Variants in XRCC4 observed in about 807,000 individuals in gnomAD.
XRCC4 encodes DNA repair protein XRCC4.
XRCC4 carries 28 observed loss-of-function variants against 39.1 expected under a neutral mutation model. That is an observed-to-expected ratio of 0.72 (90% confidence interval 0.53 to 0.98). The LOEUF (loss-of-function observed/expected upper bound fraction) is 0.98. Ranked by LOEUF, XRCC4 falls within the 50% of genes least tolerant of loss-of-function variation. The probability of loss-of-function intolerance (pLI) is 0.00; values close to 1 mark genes in which losing one functional copy is unlikely to be tolerated. For synonymous variants in XRCC4, 123 were observed against 126.4 expected (o/e 0.97, Z 0.18); for missense variants, 350 against 376.4 (o/e 0.93, Z 0.58).
At chr5:83,332,107 ATTC>A (rs776709573) in intron 7 of XRCC4, among the ~76,000 whole-genome samples, 3 of 152,116 alleles carry the variant, frequency 2.0e-5, no homozygotes, top group Non-Finnish European at 2.9e-5. Flanking sequence ...TGACATCTGT[ATTC>A]TTCTAATAAA....
chr5:83,195,493 A>G (rs1021585141), intron 3 of XRCC4, among the ~76,000 whole-genome samples: 1 of 152,098 alleles, frequency 6.6e-6, no homozygotes, highest in Non-Finnish European at 1.5e-5. Flanking sequence ...GTAAGCTTAT[A>G]CAGTATTTAT....
chr5:83,200,799 C>T (rs1024672050), intron 4 of XRCC4, among the ~76,000 whole-genome samples: 1 of 152,038 alleles, frequency 6.6e-6, no homozygotes, highest in African/African-American at 2.4e-5. Context: ...ATTATATACT[C>T]AGGTATTTCA....
chr5:83,202,573 G>C (rs1580364712), intron 4 of XRCC4, among the ~76,000 whole-genome samples: 1 of 152,008 alleles, frequency 6.6e-6, no homozygotes, highest in African/African-American at 2.4e-5. Flanking sequence ...ATATATATGT[G>C]TGTGTCTATA....
chr5:83,211,749 T>C (rs1231190287), intron 6 of XRCC4, among the ~76,000 whole-genome samples: 2 of 152,206 alleles, frequency 1.3e-5, no homozygotes, highest in East Asian at 3.9e-4. Context: ...GCTTTAAAAT[T>C]TAAAAATCAA....
At chr5:83,356,225 G>T (rs16900359), downstream of XRCC4, among the ~76,000 whole-genome samples, 15,031 of 152,048 alleles carry the variant, frequency 0.099, 1,331 homozygotes, top group East Asian at 0.48. Context: ...AAGTGATTTT[G>T]TATGTGAAAT....
intron 3 of XRCC4, among the ~76,000 whole-genome samples, chr5:83,179,230 T>G (rs939056224): frequency 6.6e-6 from 1 of 152,200 alleles, no homozygotes; most frequent in African/African-American, 2.4e-5. Flanking sequence ...TATTCTTAGG[T>G]ATGTATCGAA....
intron 3 of XRCC4, among the ~76,000 whole-genome samples, chr5:83,158,344 T>C (rs1749055405): frequency 6.6e-6 from 1 of 152,098 alleles, no homozygotes. Flanking sequence ...CTACATATAA[T>C]AGTTTACAAG....
chr5:83,308,045 G>A (rs921541728), intron 7 of XRCC4, among the ~76,000 whole-genome samples: 4 of 152,138 alleles, frequency 2.6e-5, no homozygotes, highest in Non-Finnish European at 5.9e-5. Flanking sequence ...TTCCTCAAAT[G>A]TATTTTGGAG....
chr5:83,261,226 C>T (rs74642617), intron 7 of XRCC4, among the ~76,000 whole-genome samples: 4,581 of 151,736 alleles, frequency 0.03, 189 homozygotes, highest in African/African-American at 0.1. Context: ...CAGAGTAAGA[C>T]GTTCTCAATT....
chr5:83,289,339 T>C (rs1184018217), intron 7 of XRCC4, among the ~76,000 whole-genome samples: 1 of 151,946 alleles, frequency 6.6e-6, no homozygotes, highest in African/African-American at 2.4e-5. Context: ...TAATTTTCTG[T>C]TGAAAGCTGG....
At chr5:83,151,626 A>G (rs1484394896) in intron 3 of XRCC4, among the ~76,000 whole-genome samples, 4 of 152,176 alleles carry the variant, frequency 2.6e-5, no homozygotes, top group Non-Finnish European at 5.9e-5. Context: ...ATAATATAAT[A>G]GCCATATTGG....
At chr5:83,103,618 G>A (rs1191948535) in intron 1 of XRCC4, among the ~76,000 whole-genome samples, 1 of 152,132 alleles carries the variant, frequency 6.6e-6, no homozygotes, top group Non-Finnish European at 1.5e-5. Flanking sequence ...TCTGCCAGCA[G>A]TATTTGTAAT....
chr5:83,190,660 C>T (rs924081378), intron 3 of XRCC4, among the ~76,000 whole-genome samples: 6 of 152,110 alleles, frequency 3.9e-5, no homozygotes, highest in African/African-American at 1.4e-4. Flanking sequence ...AATCTCCTCT[C>T]CTCAGAAACA....
At chr5:83,309,296 A>AAAAAAAAAAAATATAT (rs1561467702) in intron 7 of XRCC4, among the ~76,000 whole-genome samples, 2 of 72,218 alleles carry the variant, frequency 2.8e-5, no homozygotes, top group Non-Finnish European at 4.1e-5. Context: ...AAAAAAAAAA[A>AAAAAAAAAAAATATAT]ATATATATAT....
the XRCC4 span, among the ~76,000 whole-genome samples, chr5:83,366,031 T>C: frequency 2.0e-5 from 3 of 152,202 alleles, no homozygotes; most frequent in African/African-American, 4.8e-5. Flanking sequence ...CCACTGGTGA[T>C]ATACCTTCAT....
chr5:83,358,545 T>C (rs1049987875), downstream of XRCC4, among the ~76,000 whole-genome samples: 1 of 152,196 alleles, frequency 6.6e-6, no homozygotes, highest in Non-Finnish European at 1.5e-5. Flanking sequence ...CTAAAGGCTC[T>C]TGGTTCTGCA....
At chr5:83,263,113 C>T (rs374758757) in intron 7 of XRCC4, among the ~76,000 whole-genome samples, 3,932 of 147,542 alleles carry the variant, frequency 0.027, 78 homozygotes, top group South Asian at 0.11. Flanking sequence ...TTTGTTCTTG[C>T]GATAGTTTAC....
At chr5:83,344,635 ATAAT>A (rs966351064) in intron 7 of XRCC4, among the ~76,000 whole-genome samples, 2 of 152,102 alleles carry the variant, frequency 1.3e-5, no homozygotes, top group Non-Finnish European at 2.9e-5. Context: ...TGAAAATTTA[ATAAT>A]TAATTCCCCT....
At chr5:83,117,431 T>A (rs966752016) in intron 3 of XRCC4, among the ~76,000 whole-genome samples, 1 of 152,226 alleles carries the variant, frequency 6.6e-6, no homozygotes, top group African/African-American at 2.4e-5. Context: ...CTTCCTTTTT[T>A]GCTTTCATAT....
Sources: gnomAD v4.1 joint callset for allele counts (sites outside exome capture counted in the v4.1 genomes callset) on GRCh38, gnomAD v4.1.1 for gene constraint, MANE v1.5 for transcripts, NCBI Gene and HGNC (gene_info 2026-07-23, HGNC 2026-07-21) for gene names.